Variants in MACROD2 observed in about 807,000 individuals in gnomAD.
MACROD2 encodes the protein ADP-ribose glycohydrolase MACROD2.
Under a neutral mutation model 70.4 loss-of-function variants are expected in MACROD2, and 36 were observed. The observed-to-expected ratio is 0.51, with a 90% CI of 0.39 to 0.68. The LOEUF is 0.68. MACROD2 is among the 30% of genes least tolerant of loss of function. MACROD2 has a pLI of 0.00. For missense variants in MACROD2, 496 were observed against 538.4 expected (o/e 0.92, Z 0.78); for synonymous variants, 172 against 178.8 (o/e 0.96, Z 0.30).
At position 14,862,497 on chromosome 20, in the gene MACROD2, A is replaced by C. The variant is rs1479973353; in HGVS notation, c.418+177538A>C. On this transcript the variant is annotated intron_variant, in intron 5 of 17. Coordinates refer to ENST00000684519, the MANE Select transcript of MACROD2 (RefSeq NM_001351661.2). ...TATAAATATATATAAATATATATATAAATATATATAAATATATATATAAAT... is the reference window on the plus strand; with the variant it reads ...TATAAATATATATAAATATATATATCAATATATATAAATATATATATAAAT... Among the ~76,000 whole-genome samples, 3 of 33,562 alleles carry C rather than the reference A, an allele frequency of 8.9e-5. 1 individual carries two copies. Among genetic ancestry groups the C allele is most frequent in the Non-Finnish European group, 1.5e-4 (3 of 20,146 alleles). 22.0% of individuals were successfully genotyped at this position (33,562 alleles called of 152,430 possible). A position where few individuals can be genotyped will look rare whatever the true frequency, so the allele number is the denominator to read the frequency against.
intron 6 of MACROD2, among the ~76,000 whole-genome samples, chr20:15,366,791 G>C (rs2045415847): frequency 1.3e-5 from 2 of 150,888 alleles, no homozygotes; most frequent in African/African-American, 4.9e-5. Flanking sequence ...AAACTCCTGG[G>C]TTCAAACAAT....
rs145018433 is a variant in MACROD2, at chr20:14,617,457, A to C, written c.302-67386A>C. 5.6e-3 allele frequency among the ~76,000 whole-genome samples: 854 copies of C among 152,174 alleles called. 6 individuals are homozygous for C. Among genetic ancestry groups the C allele is most frequent in the Middle Eastern group, 0.044 (13 of 294 alleles). On this transcript the variant is annotated intron_variant, in intron 4 of 17. Transcript: ENST00000684519. ...CTCTCTCAGTGGTGAATATGATTCTATGCCTGCTCTATGGGTAAACACAAA... is the reference window on the plus strand; with the variant it reads ...CTCTCTCAGTGGTGAATATGATTCTCTGCCTGCTCTATGGGTAAACACAAA...
Position 14,634,847 on chromosome 20 carries a change from C to A in MACROD2, c.302-49996C>A, listed in dbSNP as rs73260854. Among the ~76,000 whole-genome samples the A allele has an allele frequency of 2.8e-3, 424 of 152,288 alleles. 2 individuals carry two copies. The highest frequency in any genetic ancestry group is 9.3e-3 in the African/African-American group (388 of 41,550). ...TAATAGCTCTAGACAGGAAGTTATG[C>A]CCTCAGGGCATAATTCTTGCAAGGG... On this transcript the variant is annotated intron_variant, in intron 4 of 17. Coordinates refer to ENST00000684519, the MANE Select transcript of MACROD2 (RefSeq NM_001351661.2).
intron 6 of MACROD2, among the ~76,000 whole-genome samples, chr20:15,286,006 C>T (rs2077487671): frequency 6.6e-6 from 1 of 152,048 alleles, no homozygotes; most frequent in African/African-American, 2.4e-5. Flanking sequence ...AATACCTACC[C>T]CATCTCCACC....
At chr20:14,919,239 T>G (rs1265593546) in intron 5 of MACROD2, among the ~76,000 whole-genome samples, 2 of 152,210 alleles carry the variant, frequency 1.3e-5, no homozygotes, top group Non-Finnish European at 2.9e-5. Flanking sequence ...CCTGGAACTG[T>G]GAAATTGAGT....
At chr20:14,161,491 C>T (rs942381676) in intron 3 of MACROD2, among the ~76,000 whole-genome samples, 1 of 149,694 alleles carries the variant, frequency 6.7e-6, no homozygotes, top group Non-Finnish European at 1.5e-5. Flanking sequence ...CGGCCAATTT[C>T]ATTCTTTTTA....
chr20:16,023,472 T>C (rs1254231161), intron 15 of MACROD2, among the ~76,000 whole-genome samples: 2 of 18,620 alleles, frequency 1.1e-4, no homozygotes, highest in Non-Finnish European at 1.4e-4. Context: ...AGACTCCATC[T>C]CAAAAAAAAA....
intron 3 of MACROD2, among the ~76,000 whole-genome samples, chr20:14,307,196 T>C (rs1390703246): frequency 3.9e-5 from 6 of 152,158 alleles, no homozygotes; most frequent in Non-Finnish European, 8.8e-5. Flanking sequence ...TCCATATTAA[T>C]TTAATAAAGT....
chr20:14,467,241 C>T (rs1277580571), intron 3 of MACROD2, among the ~76,000 whole-genome samples: 2 of 152,278 alleles, frequency 1.3e-5, no homozygotes, highest in South Asian at 2.1e-4. Context: ...ATGGCAGGCG[C>T]CCCTCCCCCC....
intron 6 of MACROD2, among the ~76,000 whole-genome samples, chr20:15,238,872 G>A (rs1259730123): frequency 6.6e-6 from 1 of 152,188 alleles, no homozygotes; most frequent in Non-Finnish European, 1.5e-5. Context: ...TTCTACAACA[G>A]TGTCTTCCAG....
intron 3 of MACROD2, among the ~76,000 whole-genome samples, chr20:14,120,308 A>G (rs1332539516): frequency 6.6e-6 from 1 of 152,102 alleles, no homozygotes; most frequent in Non-Finnish European, 1.5e-5. Flanking sequence ...AATGCACAAC[A>G]AAACCACACT....
intron 5 of MACROD2, among the ~76,000 whole-genome samples, chr20:14,728,597 G>A (rs994647748): frequency 7.2e-5 from 11 of 152,208 alleles, no homozygotes; most frequent in Middle Eastern, 3.4e-3. Context: ...ATGAGCTCCC[G>A]ATATCTCTGG....
chr20:14,452,919 G>A (rs2084260357), intron 3 of MACROD2, among the ~76,000 whole-genome samples: 1 of 152,104 alleles, frequency 6.6e-6, no homozygotes, highest in African/African-American at 2.4e-5. Context: ...TCCTTTGAAT[G>A]TGTCTTTCCA....
intron 5 of MACROD2, among the ~76,000 whole-genome samples, chr20:14,824,212 A>G (rs1294633874): frequency 2.0e-5 from 3 of 152,104 alleles, no homozygotes; most frequent in Non-Finnish European, 4.4e-5. Flanking sequence ...AACAATTATA[A>G]AATTCCAAAG....
chr20:14,198,084 A>G lies in MACROD2; in HGVS notation c.271+112356A>G, dbSNP rs73260909. 1.7e-3 allele frequency among the ~76,000 whole-genome samples: 251 copies of G among 152,092 alleles called. 1 individual carries two copies. Among genetic ancestry groups the G allele is most frequent in the African/African-American group, 5.8e-3 (239 of 41,482 alleles). On this transcript the variant is annotated intron_variant, in intron 3 of 17. Transcript: ENST00000684519. ...GGGCCATAAGTCCAACATTCTGCCT[A>G]CTTTATAACAACTTTATTGCAGGCT...
intron 8 of MACROD2, among the ~76,000 whole-genome samples, chr20:15,848,055 C>T (rs1231255521): frequency 6.6e-6 from 1 of 152,122 alleles, no homozygotes; most frequent in African/African-American, 2.4e-5. Flanking sequence ...TTTCCATTCC[C>T]TTGAGAAGAT....
Position 15,206,734 on chromosome 20 carries a change from T to TG in MACROD2, c.419-23206_419-23205insG, listed in dbSNP as rs1320715050. ...CATATTATCTATGTTTTTTTTTTTTTTTTTTTTTTTTTTGAGACGGAGTCT... is the reference window on the plus strand; with the variant it reads ...CATATTATCTATGTTTTTTTTTTTTTGTTTTTTTTTTTTTGAGACGGAGTCT... On this transcript the variant is annotated intron_variant, in intron 5 of 17. Coordinates refer to ENST00000684519, the MANE Select transcript of MACROD2 (RefSeq NM_001351661.2). Among the ~76,000 whole-genome samples, 7 of 75,292 alleles carry TG rather than the reference T, an allele frequency of 9.3e-5. 1 individual carries two copies. Among genetic ancestry groups the TG allele is most frequent in the African/African-American group, 4.3e-4 (6 of 13,894 alleles). The allele number at this position is 75,292 out of a possible 152,430, so 49.4% of individuals were successfully genotyped here.
At chr20:14,828,332 G>C (rs888182844) in intron 5 of MACROD2, among the ~76,000 whole-genome samples, 3 of 152,128 alleles carry the variant, frequency 2.0e-5, no homozygotes, top group African/African-American at 7.2e-5. Context: ...AGAGGCAAAA[G>C]GTTATGCATG....
rs1417686962 is a variant in MACROD2 at position 15,667,487 on chromosome 20, GTATC to G, written c.645+167648_645+167651del. Among the ~76,000 whole-genome samples the G allele has an allele frequency of 1.6e-4, 18 of 109,818 alleles. No individual in the cohort carries two copies. The South Asian group carries it at 3.9e-3, about 24-fold the overall frequency. 72.0% of individuals were successfully genotyped at this position (109,818 alleles called of 152,430 possible). On this transcript the variant is annotated intron_variant, in intron 8 of 17. Transcript: ENST00000684519. ...ACTATCTATGTATCTATGTATCTATGTATCTATCTATGTATCTATCTATCTATCT... is the reference window on the plus strand; with the variant it reads ...ACTATCTATGTATCTATGTATCTATGTATCTATGTATCTATCTATCTATCT...
Sources: allele counts gnomAD v4.1 joint callset (sites outside exome capture counted in the v4.1 genomes callset), GRCh38; gene constraint gnomAD v4.1.1; transcripts MANE v1.5; gene names NCBI Gene and HGNC (gene_info 2026-07-23, HGNC 2026-07-21).